The following PCP4 variants were observed in gnomAD, a reference collection of about 807,000 sequenced individuals.
The protein encoded by PCP4 is calmodulin regulator protein PCP4.
A neutral mutation model predicts 10.0 loss-of-function variants in PCP4; 8 were observed. That is an observed-to-expected ratio of 0.80 (90% CI 0.47 to 1.45). The LOEUF (loss-of-function observed/expected upper bound fraction) is 1.45. Among genes scored for constraint, PCP4 ranks in the 40% most tolerant of loss-of-function variants. The probability of loss-of-function intolerance (pLI) is 0.00; values close to 1 mark genes in which losing one functional copy is unlikely to be tolerated. For synonymous variants in PCP4, 21 were observed against 23.0 expected, an observed-to-expected ratio of 0.91 and a Z score of 0.24; for missense variants, 54 against 74.4, an observed-to-expected ratio of 0.73 and a Z score of 1.01.
chr21:39,899,897 G>T (rs576418377), intron 2 of PCP4, among the ~76,000 whole-genome samples: 1 of 152,142 alleles, frequency 6.6e-6, no homozygotes, highest in Non-Finnish European at 1.5e-5. Flanking sequence ...AGCATAGGGC[G>T]CTGTGAGCCT....
chr21:39,922,582 A>G (rs1277145211), intron 2 of PCP4, among the ~76,000 whole-genome samples: 6 of 152,060 alleles, frequency 3.9e-5, no homozygotes, highest in Admixed American at 3.9e-4. Context: ...TATTTTTCCA[A>G]GCCTCAGGGA....
intron 1 of PCP4, among the ~76,000 whole-genome samples, chr21:39,886,504 C>T (rs974171236): frequency 6.6e-6 from 1 of 152,168 alleles, no homozygotes; most frequent in African/African-American, 2.4e-5. Flanking sequence ...ACTTGGGAGG[C>T]TGAGGCAGGA....
rs1210365373 is a variant in PCP4 at position 39,903,867 on chromosome 21, C to CAAAAAAAAAAAA, written c.61+5348_61+5349insAAAAAAAAAAAA. On this transcript the variant is annotated intron_variant, in intron 2 of 2. Transcript: ENST00000328619. ...TGGGCTAAAGAGTGGGACTCCGTCT[C>CAAAAAAAAAAAA]AAAAAAAACAAAAAAAAAAAAAAAA... Among the ~76,000 whole-genome samples the CAAAAAAAAAAAA allele has an allele frequency of 8.0e-4, 28 of 34,806 alleles. 1 individual carries two copies. Among genetic ancestry groups the CAAAAAAAAAAAA allele is most frequent in the African/African-American group, 1.5e-3 (16 of 10,500 alleles). 22.8% of individuals were successfully genotyped at this position (34,806 alleles called of 152,430 possible).
intron 1 of PCP4, among the ~76,000 whole-genome samples, chr21:39,879,751 C>G (rs77542640): frequency 7.9e-5 from 12 of 152,278 alleles, no homozygotes; most frequent in Admixed American, 3.9e-4. Context: ...CCCCCTCTGC[C>G]TTCAACCTCT....
At chr21:39,924,205 G>T (rs923365606) in intron 2 of PCP4, among the ~76,000 whole-genome samples, 1 of 152,194 alleles carries the variant, frequency 6.6e-6, no homozygotes, top group Non-Finnish European at 1.5e-5. Flanking sequence ...GGCCTTTGCA[G>T]CTCTGGCCAC....
Position 39,873,561 on chromosome 21 carries a change from C to T in PCP4, c.9+6051C>T, listed in dbSNP as rs138050581. ...GAAACTGAATTGCACGTCCATATCCCCATGTGATTAATCTGATAGGAGCTC... is the reference window on the plus strand; with the variant it reads ...GAAACTGAATTGCACGTCCATATCCTCATGTGATTAATCTGATAGGAGCTC... On this transcript the variant is annotated intron_variant, in intron 1 of 2. Transcript: ENST00000328619. Among the ~76,000 whole-genome samples, 110 of 152,118 alleles carry T rather than the reference C, an allele frequency of 7.2e-4. 2 individuals carry two copies. Among genetic ancestry groups the T allele is most frequent in the Middle Eastern group, 3.4e-3 (1 of 294 alleles).
At chr21:39,927,940 C>A (rs532200986) in intron 2 of PCP4, among the ~76,000 whole-genome samples, 63 of 152,064 alleles carry the variant, frequency 4.1e-4, no homozygotes, top group Non-Finnish European at 4.1e-4. Flanking sequence ...TGGGGTGAGA[C>A]CCTCATGCCT....
At chr21:39,921,283 G>A (rs1045805854) in intron 2 of PCP4, among the ~76,000 whole-genome samples, 2 of 152,226 alleles carry the variant, frequency 1.3e-5, no homozygotes, top group African/African-American at 4.8e-5. Context: ...CATCTAAGGA[G>A]ATGAAGTAGC....
At chr21:39,905,207 G>A (rs1035555288) in intron 2 of PCP4, among the ~76,000 whole-genome samples, 2 of 151,932 alleles carry the variant, frequency 1.3e-5, no homozygotes, top group Admixed American at 6.6e-5. Context: ...CCATCTGGAG[G>A]TTCTTGGCCC....
In PCP4 at chr21:39,877,567, C is replaced by T. The variant is rs148064978; in HGVS notation, c.9+10057C>T. Among the ~76,000 whole-genome samples, 419 of 151,632 alleles carry T rather than the reference C, an allele frequency of 2.8e-3. 5 individuals carry two copies. The highest frequency in any genetic ancestry group is 0.01 in the Middle Eastern group (3 of 294). The stretch of plus-strand genomic sequence containing the variant: ...AAAAAATTAGCCGGGTGTGGTGGTG[C>T]ATTCCTGTAGTCCCAGCTACTCAGG... On this transcript the variant is annotated intron_variant, in intron 1 of 2. Transcript: ENST00000328619.
intron 2 of PCP4, among the ~76,000 whole-genome samples, chr21:39,924,474 G>A (rs2087611296): frequency 6.6e-6 from 1 of 152,192 alleles, no homozygotes; most frequent in Admixed American, 6.5e-5. Flanking sequence ...TGTGAGGAGA[G>A]AGGCAGCCTC....
chr21:39,888,987 C>T (rs1232810840), intron 1 of PCP4, among the ~76,000 whole-genome samples: 1 of 152,156 alleles, frequency 6.6e-6, no homozygotes, highest in Non-Finnish European at 1.5e-5. Context: ...AGAAGTTTTC[C>T]TGTGCCGTAG....
chr21:39,884,251 C>T (rs1242174649), intron 1 of PCP4, among the ~76,000 whole-genome samples: 1 of 151,330 alleles, frequency 6.6e-6, no homozygotes, highest in Non-Finnish European at 1.5e-5. Flanking sequence ...GTGATCTTGG[C>T]TCACTGCAAC....
At chr21:39,927,917 G>A (rs554784125) in intron 2 of PCP4, among the ~76,000 whole-genome samples, 3 of 152,276 alleles carry the variant, frequency 2.0e-5, no homozygotes, top group Admixed American at 1.3e-4. Flanking sequence ...GTGCAAGGAG[G>A]AAGCCCTGAG....
At chr21:39,876,686 C>T (rs913986322) in intron 1 of PCP4, among the ~76,000 whole-genome samples, 3 of 152,166 alleles carry the variant, frequency 2.0e-5, no homozygotes, top group African/African-American at 7.2e-5. Flanking sequence ...TGAATGAAAC[C>T]TAATTTTTAA....
chr21:39,926,955 AT>A (rs1299770532), intron 2 of PCP4, among the ~76,000 whole-genome samples: 1 of 152,198 alleles, frequency 6.6e-6, no homozygotes, highest in Non-Finnish European at 1.5e-5. Context: ...CCTCTGAAAT[AT>A]TCCTGAACAT....
In PCP4 at chr21:39,906,727, C is replaced by T. The variant is rs1239519990; in HGVS notation, c.61+8200C>T. On this transcript the variant is annotated intron_variant, in intron 2 of 2. Coordinates refer to ENST00000328619, the MANE Select transcript of PCP4 (RefSeq NM_006198.3). This position sits in a 1 kb window ranked among gnomAD's most constrained non-coding sequence, Gnocchi z 6.3. ...ACATCATACAGAGAAAGCTTATACA[C>T]CTTGGTGAAAAAGTAAAGTTATACA... Among the ~76,000 whole-genome samples, 1 of 152,136 alleles carries T rather than the reference C, an allele frequency of 6.6e-6. No homozygotes were observed. Among genetic ancestry groups the T allele is most frequent in the African/African-American group, 2.4e-5 (1 of 41,410 alleles).
chr21:39,925,811 C>G (rs1452019517), intron 2 of PCP4, among the ~76,000 whole-genome samples: 2 of 152,160 alleles, frequency 1.3e-5, no homozygotes, highest in African/African-American at 4.8e-5. Flanking sequence ...CTCCTGTGGC[C>G]TTGTCACTGC....
At chr21:39,880,428 T>C in intron 1 of PCP4, among the ~76,000 whole-genome samples, 1 of 152,184 alleles carries the variant, frequency 6.6e-6, no homozygotes, top group Non-Finnish European at 1.5e-5. Context: ...ACTTGGCATA[T>C]GTATGTGCAT....
Sources: gnomAD v4.1 joint callset for allele counts (sites outside exome capture counted in the v4.1 genomes callset) on GRCh38, gnomAD v4.1.1 for gene constraint, Gnocchi (gnomAD v3.1) non-coding constraint, MANE v1.5 for transcripts, NCBI Gene and HGNC (gene_info 2026-07-23, HGNC 2026-07-21) for gene names.